Variants in TMTC2 observed in about 807,000 individuals in gnomAD.
TMTC2 encodes the protein protein O-mannosyl-transferase TMTC2.
TMTC2 carries 43 observed loss-of-function variants against 82.4 expected under a neutral mutation model. The ratio of observed to expected loss-of-function variants is 0.52; its 90% CI spans 0.41 to 0.67. TMTC2 has a LOEUF of 0.67. TMTC2 is among the 30% of genes least tolerant of loss of function. The probability of loss-of-function intolerance (pLI) is 0.00; values close to 1 mark genes in which losing one functional copy is unlikely to be tolerated. For synonymous variants in TMTC2, 408 were observed against 381.9 expected (o/e 1.07, Z -0.80); for missense variants, 919 against 1,012.4 (o/e 0.91, Z 1.25).
intron 7 of TMTC2, among the ~76,000 whole-genome samples, chr12:82,971,516 A>T (rs1299894534): frequency 3.9e-5 from 6 of 151,990 alleles, no homozygotes; most frequent in Non-Finnish European, 5.9e-5. Flanking sequence ...GAATAATCCT[A>T]AGGGATTATA....
At chr12:82,897,002 A>G (rs772317911) in intron 3 of TMTC2, among the ~76,000 whole-genome samples, 5 of 152,190 alleles carry the variant, frequency 3.3e-5, no homozygotes, top group Non-Finnish European at 7.3e-5. Context: ...ATATAATAAA[A>G]GTTAGGCTAT....
chr12:83,109,697 T>C (rs1250285196), intron 11 of TMTC2, among the ~76,000 whole-genome samples: 3 of 152,194 alleles, frequency 2.0e-5, no homozygotes, highest in African/African-American at 7.2e-5. Flanking sequence ...TTAGATTAAA[T>C]TCTAAGGTCC....
At chr12:83,123,657 T>C (rs1885021440) in intron 11 of TMTC2, among the ~76,000 whole-genome samples, 1 of 152,220 alleles carries the variant, frequency 6.6e-6, no homozygotes, top group Non-Finnish European at 1.5e-5. Context: ...TTATCACTGC[T>C]GACAACTTAA....
intron 3 of TMTC2, among the ~76,000 whole-genome samples, chr12:82,923,987 T>C (rs1392961725): frequency 1.3e-5 from 2 of 152,214 alleles, no homozygotes; most frequent in Non-Finnish European, 1.5e-5. Context: ...TGAAGAGTTA[T>C]GGCAGCTCTT....
At chr12:82,795,436 A>G (rs983710832) in intron 1 of TMTC2, among the ~76,000 whole-genome samples, 1 of 152,080 alleles carries the variant, frequency 6.6e-6, no homozygotes, top group African/African-American at 2.4e-5. Context: ...TATTTAACCT[A>G]GTATTTGTGT....
chr12:82,907,735 C>T (rs778212783), intron 3 of TMTC2, among the ~76,000 whole-genome samples: 2 of 152,054 alleles, frequency 1.3e-5, no homozygotes, highest in East Asian at 1.9e-4. Context: ...ATATTTATCA[C>T]GGTTTATATG....
chr12:82,806,543 GA>G (rs1293671394), intron 1 of TMTC2, among the ~76,000 whole-genome samples: 1 of 152,094 alleles, frequency 6.6e-6, no homozygotes, highest in Non-Finnish European at 1.5e-5. Flanking sequence ...CCGTGCAGTC[GA>G]AAATGTGCAT....
At chr12:82,948,975 A>T (rs1201786430) in intron 4 of TMTC2, among the ~76,000 whole-genome samples, 2 of 152,176 alleles carry the variant, frequency 1.3e-5, no homozygotes, top group Non-Finnish European at 2.9e-5. Flanking sequence ...TCAACTCAGC[A>T]TTGGCGCTGC....
chr12:83,013,372 C>G (rs747502791), intron 8 of TMTC2, among the ~76,000 whole-genome samples: 11 of 152,118 alleles, frequency 7.2e-5, no homozygotes, highest in African/African-American at 2.7e-4. Flanking sequence ...AGTGGCCCTT[C>G]TTTAGGCACA....
chr12:82,757,661 C>T (rs991358970), intron 1 of TMTC2, among the ~76,000 whole-genome samples: 4 of 152,166 alleles, frequency 2.6e-5, no homozygotes, highest in Non-Finnish European at 5.9e-5. Flanking sequence ...TTTCTCTCTG[C>T]TTAATGCTAC....
intron 3 of TMTC2, 147 bp from the exon 4 acceptor site, chr12:82,930,284 T>C: frequency 4.0e-6 from 2 of 500,710 alleles, no homozygotes; most frequent in South Asian, 7.3e-5. Flanking sequence ...CCTGATGAAA[T>C]GTTAGAGTAT....
intron 1 of TMTC2, among the ~76,000 whole-genome samples, chr12:82,788,448 G>T (rs1044424822): frequency 6.6e-6 from 1 of 152,016 alleles, no homozygotes; most frequent in Non-Finnish European, 1.5e-5. Context: ...TTACTGCAAG[G>T]TTTGGTAGCC....
chr12:82,729,734 C>G (rs1874668784), intron 1 of TMTC2, among the ~76,000 whole-genome samples: 1 of 152,218 alleles, frequency 6.6e-6, no homozygotes, highest in African/African-American at 2.4e-5. Flanking sequence ...GCTGCCCAAG[C>G]TAGCAGTGGC....
chr12:82,965,258 A>G (rs1878138887), intron 5 of TMTC2, 149 bp downstream of exon 5: 3 of 656,208 alleles, frequency 4.6e-6, no homozygotes, highest in South Asian at 4.2e-5. Context: ...TTATATCTCA[A>G]TTGCATCATA....
At chr12:82,861,271 GT>G (rs1228404045) in intron 2 of TMTC2, among the ~76,000 whole-genome samples, 1 of 152,206 alleles carries the variant, frequency 6.6e-6, no homozygotes, top group Non-Finnish European at 1.5e-5. Flanking sequence ...AATTTGGCCA[GT>G]TTTGATTGCA....
intron 11 of TMTC2, among the ~76,000 whole-genome samples, chr12:83,087,743 G>T (rs556633918): frequency 4.6e-5 from 7 of 152,314 alleles, no homozygotes; most frequent in East Asian, 3.9e-4. Flanking sequence ...AAAATATTCA[G>T]TAGGCCATAG....
chr12:83,073,407 A>G (rs1343177604), intron 11 of TMTC2, among the ~76,000 whole-genome samples: 1 of 152,170 alleles, frequency 6.6e-6, no homozygotes, highest in East Asian at 1.9e-4. Context: ...ATAGCACTTA[A>G]GAATCTTTCC....
chr12:82,812,093 C>T (rs1196513242), intron 1 of TMTC2, among the ~76,000 whole-genome samples: 1 of 152,108 alleles, frequency 6.6e-6, no homozygotes, highest in Non-Finnish European at 1.5e-5. Flanking sequence ...GCTGGGATTA[C>T]AGGCATGAGC....
chr12:82,735,121 A>G (rs1875017377), intron 1 of TMTC2, among the ~76,000 whole-genome samples: 1 of 152,216 alleles, frequency 6.6e-6, no homozygotes, highest in South Asian at 2.1e-4. Context: ...CCTTGAGCAC[A>G]GAATTTCAGG....
Sources: gnomAD v4.1 joint callset for allele counts (sites outside exome capture counted in the v4.1 genomes callset) on GRCh38, gnomAD v4.1.1 for gene constraint, MANE v1.5 for transcripts, NCBI Gene and HGNC (gene_info 2026-07-23, HGNC 2026-07-21) for gene names.